RYR3: variants seen among roughly 807,000 people sequenced by gnomAD.
The protein encoded by RYR3 is brain ryanodine receptor-calcium release channel.
In RYR3, 207 loss-of-function variants were observed where a neutral mutation model predicts 584.3. The observed-to-expected ratio is 0.35, with a 90% CI of 0.32 to 0.40. RYR3 has a LOEUF of 0.40. Ranked by LOEUF, RYR3 falls within the 10% of genes least tolerant of loss-of-function variation. RYR3 has a pLI of 1.00. For synonymous variants in RYR3, 2,416 were observed against 2,248.5 expected (o/e 1.07, Z -2.11); for missense variants, 5,616 against 6,089.2 (o/e 0.92, Z 2.59).
intron 77 of RYR3, 115 bp from the exon 78 acceptor site, chr15:33,820,641 G>A (rs1219817897): frequency 1.9e-5 from 16 of 854,930 alleles, no homozygotes; most frequent in Middle Eastern, 2.2e-4. Context: ...CAACGCTGAG[G>A]TCCTGAGGTG....
intron 102 of RYR3, 125 bp from the exon 103 acceptor site, chr15:33,864,009 CCTGA>C (rs1376515549): frequency 1.6e-6 from 1 of 630,024 alleles, no homozygotes; most frequent in African/African-American, 1.8e-5. Flanking sequence ...GCCACACTTC[CCTGA>C]TCATTTAAGT....
intron 2 of RYR3, among the ~76,000 whole-genome samples, chr15:33,486,270 C>T (rs1256382008): frequency 6.6e-6 from 1 of 152,224 alleles, no homozygotes; most frequent in Non-Finnish European, 1.5e-5. Context: ...CAGGGCCATG[C>T]TCCTTCCAAA....
intron 99 of RYR3, 158 bp downstream of exon 99, chr15:33,858,072 C>A: frequency 1.0e-6 from 1 of 959,792 alleles, no homozygotes; most frequent in Non-Finnish European, 1.5e-6. Flanking sequence ...ATGTCTTCTC[C>A]AAACAGGAGA....
At chr15:33,734,770 A>G (rs898353417) in intron 48 of RYR3, among the ~76,000 whole-genome samples, 1 of 150,380 alleles carries the variant, frequency 6.6e-6, no homozygotes, top group Non-Finnish European at 1.5e-5. Context: ...ACTCTCTGCA[A>G]ACTCCGCCTC....
intron 1 of RYR3, among the ~76,000 whole-genome samples, chr15:33,359,547 G>A (rs1024757940): frequency 6.6e-6 from 1 of 152,076 alleles, no homozygotes; most frequent in African/African-American, 2.4e-5. Context: ...ACTTCACTGA[G>A]GTTTCTGCTC....
chr15:33,363,542 T>TA (rs1460547167), intron 1 of RYR3, among the ~76,000 whole-genome samples: 1 of 152,212 alleles, frequency 6.6e-6, no homozygotes, highest in Non-Finnish European at 1.5e-5. Flanking sequence ...GTGGATATTT[T>TA]AAAAAACCCT....
chr15:33,482,306 G>T (rs1289120422), intron 2 of RYR3, among the ~76,000 whole-genome samples: 4 of 152,024 alleles, frequency 2.6e-5, no homozygotes, highest in Non-Finnish European at 5.9e-5. Flanking sequence ...TGTAAAGTTA[G>T]CTCTCATTTT....
intron 1 of RYR3, among the ~76,000 whole-genome samples, chr15:33,453,709 T>A (rs1567270912): frequency 1.3e-5 from 2 of 152,220 alleles, no homozygotes; most frequent in Non-Finnish European, 1.5e-5. Context: ...CCACGCAGTT[T>A]CCTGATTTTT....
intron 1 of RYR3, among the ~76,000 whole-genome samples, chr15:33,464,628 A>T (rs1232969142): frequency 6.6e-6 from 1 of 150,832 alleles, no homozygotes; most frequent in Non-Finnish European, 1.5e-5. Flanking sequence ...TATTTAATTG[A>T]TATATTTTTA....
intron 15 of RYR3, among the ~76,000 whole-genome samples, chr15:33,585,099 C>T (rs915791700): frequency 2.3e-4 from 35 of 152,080 alleles, no homozygotes; most frequent in Admixed American, 1.6e-3. Flanking sequence ...GGCAGGTATA[C>T]GCCCCTCAAG....
At chr15:33,843,349 T>A in intron 91 of RYR3, 139 bp from the exon 92 acceptor site, 1 of 598,570 alleles carries the variant, frequency 1.7e-6, no homozygotes, top group Non-Finnish European at 3.0e-6. Flanking sequence ...AATGCCAGGG[T>A]TACCCTAGAA....
chr15:33,611,534 C>T (rs1372068147), intron 18 of RYR3, among the ~76,000 whole-genome samples: 9 of 150,342 alleles, frequency 6.0e-5, no homozygotes, highest in Non-Finnish European at 1.0e-4. Flanking sequence ...CCAGCCTGGG[C>T]GACAGAGTGA....
chr15:33,779,138 A>C (rs2074219608), intron 64 of RYR3, among the ~76,000 whole-genome samples: 1 of 151,860 alleles, frequency 6.6e-6, no homozygotes, highest in Non-Finnish European at 1.5e-5. Context: ...ACTTCTATAT[A>C]CCCTAGATTT....
chr15:33,853,178 T>G (rs2079283262), intron 95 of RYR3, 91 bp downstream of exon 95: 5 of 1,092,972 alleles, frequency 4.6e-6, no homozygotes, highest in Non-Finnish European at 6.5e-6. Flanking sequence ...TGAGTAAATG[T>G]GATGCTACTT....
intron 11 of RYR3, among the ~76,000 whole-genome samples, chr15:33,566,254 C>T (rs534593737): frequency 6.6e-6 from 1 of 152,210 alleles, no homozygotes; most frequent in Non-Finnish European, 1.5e-5. Flanking sequence ...AATCCCAGTA[C>T]AGAATTTTGC....
chr15:33,571,213 T>C (rs1177310793), intron 12 of RYR3, among the ~76,000 whole-genome samples: 1 of 152,260 alleles, frequency 6.6e-6, no homozygotes, highest in East Asian at 1.9e-4. Flanking sequence ...CGATATTGAC[T>C]GTAGGGTTTT....
Position 33,820,748 on chromosome 15 carries a change from A to G in RYR3, c.10759-8A>G, listed in dbSNP as rs188476557. ...TGTCTTCTCCCTTCCCTGCTCCATG[A>G]AATCCAGAGTTGTCAAAGTGGTGAG... is the stretch of plus-strand genomic sequence containing the variant. On this transcript the variant is annotated splice_polypyrimidine_tract_variant and splice_region_variant and intron_variant, in intron 77 of 103. Transcript: ENST00000634891. 3.7e-5 allele frequency: 59 copies of G among 1,604,356 alleles called. No homozygotes were observed. In the East Asian group the frequency reaches 1.2e-3, roughly 32 times the overall value.
At chr15:33,537,712 G>C (rs1041059900) in intron 5 of RYR3, among the ~76,000 whole-genome samples, 4 of 152,116 alleles carry the variant, frequency 2.6e-5, no homozygotes, top group African/African-American at 9.7e-5. Context: ...TCTTGGCGTG[G>C]CCTCTTTCTG....
intron 12 of RYR3, among the ~76,000 whole-genome samples, chr15:33,570,729 T>C (rs1490278950): frequency 6.6e-6 from 1 of 152,194 alleles, no homozygotes; most frequent in African/African-American, 2.4e-5. Context: ...TGTCTATTTA[T>C]TTTTTAATTA....
Sources: allele counts gnomAD v4.1 joint callset (sites outside exome capture counted in the v4.1 genomes callset), GRCh38; gene constraint gnomAD v4.1.1; transcripts MANE v1.5; gene names NCBI Gene and HGNC (gene_info 2026-07-23, HGNC 2026-07-21).